Variants in RSU1 observed in about 807,000 individuals in gnomAD.
The protein encoded by RSU1 is Ras suppressor protein 1, also known as rsu-1.
RSU1 carries 26 observed loss-of-function variants against 31.1 expected under a neutral mutation model. That is an observed-to-expected ratio of 0.84 (90% confidence interval 0.61 to 1.16). The LOEUF is 1.16. RSU1 is among the 50% of genes most tolerant of loss of function. RSU1 has a pLI of 0.00. For synonymous variants in RSU1, 164 were observed against 136.3 expected (o/e 1.20, Z -1.41); for missense variants, 320 against 339.1 (o/e 0.94, Z 0.44).
intron 8 of RSU1, among the ~76,000 whole-genome samples, chr10:16,691,485 C>G (rs1835548615): frequency 6.6e-6 from 1 of 151,224 alleles, no homozygotes; most frequent in African/African-American, 2.4e-5. Context: ...ACAGCTGCTA[C>G]AGGAGAATGA....
chr10:16,814,451 G>GAAA lies in RSU1; in HGVS notation c.109+2519_109+2521dup, dbSNP rs369214166. 5.5e-4 allele frequency among the ~76,000 whole-genome samples: 67 copies of GAAA among 121,172 alleles called. 2 individuals carry two copies. Among genetic ancestry groups the GAAA allele is most frequent in the African/African-American group, 8.0e-4 (24 of 30,122 alleles). The allele number at this position is 121,172 out of a possible 152,430, so 79.5% of individuals were successfully genotyped here. The stretch of plus-strand genomic sequence containing the variant: ...TGACAGAGCGAGACCCTGTTTTCAG[G>GAAA]AAAAAAAAAAAAAAAAAGAAAAAAA... On this transcript the variant is annotated intron_variant, in intron 2 of 8. Coordinates refer to ENST00000345264, the MANE Select transcript of RSU1 (RefSeq NM_012425.4).
At chr10:16,720,364 T>G (rs1331544969) in intron 7 of RSU1, among the ~76,000 whole-genome samples, 1 of 152,170 alleles carries the variant, frequency 6.6e-6, no homozygotes, top group African/African-American at 2.4e-5. Flanking sequence ...TGAACAGAAA[T>G]AAATTATCAA....
At chr10:16,613,616 G>A (rs1298221525) in intron 8 of RSU1, among the ~76,000 whole-genome samples, 1 of 152,214 alleles carries the variant, frequency 6.6e-6, no homozygotes, top group Non-Finnish European at 1.5e-5. Context: ...CACCTTGGTT[G>A]TGATTTTAGG....
chr10:16,694,768 G>C (rs11254152), intron 8 of RSU1, among the ~76,000 whole-genome samples: 52,793 of 151,278 alleles, frequency 0.35, 9,409 homozygotes, highest in Middle Eastern at 0.42. Flanking sequence ...GTAGAGACGG[G>C]GTCTTGCTAT....
chr10:16,608,223 G>A (rs775376756), intron 8 of RSU1, among the ~76,000 whole-genome samples: 14 of 152,212 alleles, frequency 9.2e-5, no homozygotes, highest in Non-Finnish European at 1.5e-4. Flanking sequence ...CACTTATGGA[G>A]CAGACCAGGT....
chr10:16,673,415 GAGAA>G (rs2131540659), intron 8 of RSU1, among the ~76,000 whole-genome samples: 1 of 152,254 alleles, frequency 6.6e-6, no homozygotes, highest in East Asian at 1.9e-4. Context: ...CACATTTTAG[GAGAA>G]AGAAACAAAA....
At chr10:16,791,026 G>C (rs1273296365) in intron 2 of RSU1, among the ~76,000 whole-genome samples, 1 of 152,152 alleles carries the variant, frequency 6.6e-6, no homozygotes, top group Non-Finnish European at 1.5e-5. Flanking sequence ...CATGGAAGGA[G>C]TGGTCAGTAT....
At chr10:16,808,427 T>C (rs1468307238) in intron 2 of RSU1, among the ~76,000 whole-genome samples, 5 of 142,970 alleles carry the variant, frequency 3.5e-5, no homozygotes, top group Non-Finnish European at 7.5e-5. Context: ...GAGGCTGCAG[T>C]GACCGTGATC....
At chr10:16,758,629 T>A (rs182451627) in intron 4 of RSU1, among the ~76,000 whole-genome samples, 7 of 152,260 alleles carry the variant, frequency 4.6e-5, no homozygotes, top group African/African-American at 1.7e-4. Context: ...CAGGGCAGGA[T>A]CACTGAGAGG....
chr10:16,593,352 A>G lies in RSU1; in HGVS notation c.*42T>C. On this transcript the variant is annotated 3_prime_UTR_variant, in exon 9 of 9. Coordinates refer to ENST00000345264, the MANE Select transcript of RSU1 (RefSeq NM_012425.4). ...AGGGCAAGAGAGAATGAAGTGTTGGAGAGAGAAGGTGCTGGAAGGCCAGCC... is the reference window on the plus strand; with the variant it reads ...AGGGCAAGAGAGAATGAAGTGTTGGGGAGAGAAGGTGCTGGAAGGCCAGCC... 6.2e-7 allele frequency: 1 copy of G among 1,613,632 alleles called. No homozygotes were observed. Among genetic ancestry groups the G allele is most frequent in the South Asian group, 1.1e-5 (1 of 90,986 alleles).
chr10:16,629,783 G>A (rs963729929), intron 8 of RSU1, among the ~76,000 whole-genome samples: 2 of 152,082 alleles, frequency 1.3e-5, no homozygotes, highest in South Asian at 2.1e-4. Flanking sequence ...AGTGGTTCAC[G>A]TGTCTCTAAA....
intron 2 of RSU1, among the ~76,000 whole-genome samples, chr10:16,814,894 A>G (rs1838494659): frequency 6.6e-6 from 1 of 152,252 alleles, no homozygotes; most frequent in South Asian, 2.1e-4. Context: ...GAACCGAAAT[A>G]GCTAAGCCAT....
chr10:16,815,808 T>C (rs1240218199), intron 2 of RSU1, among the ~76,000 whole-genome samples: 1 of 152,200 alleles, frequency 6.6e-6, no homozygotes. Context: ...CAGGTGGTGA[T>C]GTCTAAGCTG....
chr10:16,714,538 G>T (rs1458964659), intron 7 of RSU1, among the ~76,000 whole-genome samples: 2 of 152,184 alleles, frequency 1.3e-5, no homozygotes, highest in African/African-American at 4.8e-5. Context: ...GCAGGTACGT[G>T]CAGGAGAGGT....
intron 8 of RSU1, among the ~76,000 whole-genome samples, chr10:16,672,768 T>TA (rs1359363061): frequency 6.6e-5 from 10 of 152,080 alleles, no homozygotes; most frequent in East Asian, 3.9e-4. Context: ...TACATGGGCA[T>TA]AAAAAAACCC....
intron 8 of RSU1, among the ~76,000 whole-genome samples, chr10:16,617,737 A>G (rs1053566903): frequency 6.6e-6 from 1 of 152,238 alleles, no homozygotes; most frequent in Non-Finnish European, 1.5e-5. Context: ...TGGGGAAAGG[A>G]TTCCCTATTT....
At chr10:16,600,589 C>A (rs1184655821) in intron 8 of RSU1, among the ~76,000 whole-genome samples, 2 of 147,728 alleles carry the variant, frequency 1.4e-5, no homozygotes, top group African/African-American at 5.1e-5. Flanking sequence ...GTTTTTGAGA[C>A]AGGGTCTTGC....
intron 7 of RSU1, among the ~76,000 whole-genome samples, chr10:16,719,595 C>T (rs1160936266): frequency 6.6e-6 from 1 of 152,212 alleles, no homozygotes; most frequent in East Asian, 1.9e-4. Context: ...GTTTGTTTCA[C>T]AGTACTTACT....
chr10:16,718,145 G>A (rs1836181788), intron 7 of RSU1, among the ~76,000 whole-genome samples: 1 of 148,912 alleles, frequency 6.7e-6, no homozygotes, highest in South Asian at 2.2e-4. Flanking sequence ...AAGAAATAGA[G>A]CTTGAATATC....
Sources: gnomAD v4.1 joint callset for allele counts (sites outside exome capture counted in the v4.1 genomes callset) on GRCh38, gnomAD v4.1.1 for gene constraint, MANE v1.5 for transcripts, NCBI Gene and HGNC (gene_info 2026-07-23, HGNC 2026-07-21) for gene names.